Variants in DLGAP2 observed in about 807,000 individuals in gnomAD.
DLGAP2 encodes disks large-associated protein 2.
In DLGAP2, 26 loss-of-function variants were observed where a neutral mutation model predicts 100.3. The ratio of observed to expected loss-of-function variants is 0.26; its 90% CI spans 0.19 to 0.36. The LOEUF (loss-of-function observed/expected upper bound fraction) is 0.36, where lower values mean the gene tolerates loss of function less well. DLGAP2 is among the 10% of genes least tolerant of loss of function. The probability of loss-of-function intolerance (pLI) is 1.00; values close to 1 mark genes in which losing one functional copy is unlikely to be tolerated. For missense variants in DLGAP2, 1,858 were observed against 1,453.2 expected, an observed-to-expected ratio of 1.28 and a Z score of -4.53; for synonymous variants, 886 against 630.1, an observed-to-expected ratio of 1.41 and a Z score of -6.08.
chr8:1,045,910 T>C (rs1368053411), intron 2 of DLGAP2, among the ~76,000 whole-genome samples: 1 of 152,186 alleles, frequency 6.6e-6, no homozygotes, highest in African/African-American at 2.4e-5. Flanking sequence ...CTCCCAGACC[T>C]GCCGTTTGTA....
chr8:1,033,377 CTGGGGGT>C (rs1374116492), intron 2 of DLGAP2, among the ~76,000 whole-genome samples: 1 of 152,152 alleles, frequency 6.6e-6, no homozygotes, highest in Non-Finnish European at 1.5e-5. Flanking sequence ...AAAGGCTTAG[CTGGGGGT>C]TGGGGGTGGT....
intron 2 of DLGAP2, among the ~76,000 whole-genome samples, chr8:946,735 G>C (rs1293775636): frequency 6.6e-6 from 1 of 152,198 alleles, no homozygotes; most frequent in Non-Finnish European, 1.5e-5. Context: ...TCAGGACTGA[G>C]TGCCATAGTG....
chr8:1,371,792 C>T (rs1451200756), intron 3 of DLGAP2, among the ~76,000 whole-genome samples: 2 of 152,152 alleles, frequency 1.3e-5, no homozygotes, highest in African/African-American at 4.8e-5. Context: ...TCATATTCCA[C>T]GTGCATCGTG....
chr8:814,318 G>C (rs1420940638), intron 1 of DLGAP2, among the ~76,000 whole-genome samples: 1 of 152,154 alleles, frequency 6.6e-6, no homozygotes, highest in African/African-American at 2.4e-5. Flanking sequence ...TGCAACACTA[G>C]TTTAGCTCTT....
intron 2 of DLGAP2, among the ~76,000 whole-genome samples, chr8:1,012,699 A>G (rs1584974242): frequency 1.7e-5 from 1 of 58,938 alleles, no homozygotes; most frequent in African/African-American, 6.9e-5. Context: ...AGTCCCCCCT[A>G]CTTCAGCGGC....
At chr8:1,252,464 G>A (rs376130233) in intron 2 of DLGAP2, among the ~76,000 whole-genome samples, 34 of 152,360 alleles carry the variant, frequency 2.2e-4, no homozygotes, top group African/African-American at 5.8e-4. Context: ...TGTCACGTGC[G>A]TGTGTTGCGT....
Position 1,175,643 on chromosome 8 carries a change from C to T in DLGAP2, c.74-83208C>T, listed in dbSNP as rs76246830. Reference sequence around the variant, plus strand: ...AATTTGGAGGGTGTTGGAATAAATACATCCCTTGTGTTTTGCCATGGCTTG... The same window carrying T: ...AATTTGGAGGGTGTTGGAATAAATATATCCCTTGTGTTTTGCCATGGCTTG... On this transcript the variant is annotated intron_variant, in intron 2 of 14. Transcript: ENST00000637795. Among the ~76,000 whole-genome samples, 709 of 152,266 alleles carry T rather than the reference C, an allele frequency of 4.7e-3. 2 individuals are homozygous for T. Among genetic ancestry groups the T allele is most frequent in the Non-Finnish European group, 7.8e-3 (529 of 68,020 alleles).
chr8:1,226,946 A>G (rs1004853597), intron 2 of DLGAP2, among the ~76,000 whole-genome samples: 5 of 151,742 alleles, frequency 3.3e-5, no homozygotes, highest in Non-Finnish European at 7.4e-5. Flanking sequence ...GGAAAACAGT[A>G]TCGACGTTCC....
At chr8:1,142,420 G>C (rs181650008) in intron 2 of DLGAP2, among the ~76,000 whole-genome samples, 1 of 152,334 alleles carries the variant, frequency 6.6e-6, no homozygotes, top group African/African-American at 2.4e-5. Flanking sequence ...AAAGAAGCTA[G>C]ATGCAGTGTT....
intron 2 of DLGAP2, among the ~76,000 whole-genome samples, chr8:1,128,471 C>T (rs768991911): frequency 6.6e-6 from 1 of 152,234 alleles, no homozygotes; most frequent in South Asian, 2.1e-4. Flanking sequence ...TGTACAGACC[C>T]TCGCCACTGT....
intron 3 of DLGAP2, among the ~76,000 whole-genome samples, chr8:1,377,684 G>T (rs926717424): frequency 6.6e-6 from 1 of 152,210 alleles, no homozygotes; most frequent in African/African-American, 2.4e-5. Context: ...GCCAGCGTGG[G>T]GGTCAGTGGA....
intron 1 of DLGAP2, among the ~76,000 whole-genome samples, chr8:885,398 G>A (rs1797903492): frequency 2.0e-5 from 3 of 152,108 alleles, no homozygotes; most frequent in African/African-American, 7.2e-5. Context: ...ATTGTGAATG[G>A]GAGTTCACTC....
intron 1 of DLGAP2, among the ~76,000 whole-genome samples, chr8:852,228 C>G (rs1211261014): frequency 6.6e-6 from 1 of 152,154 alleles, no homozygotes; most frequent in African/African-American, 2.4e-5. Flanking sequence ...CTTTCTCTGT[C>G]TTGGTGGATG....
chr8:1,338,046 T>C (rs1004562569), intron 3 of DLGAP2, among the ~76,000 whole-genome samples: 5 of 152,236 alleles, frequency 3.3e-5, no homozygotes, highest in Admixed American at 6.5e-5. Context: ...CAAGTATTGC[T>C]GAGGACTGGA....
intron 2 of DLGAP2, among the ~76,000 whole-genome samples, chr8:956,795 T>C (rs1416337341): frequency 6.6e-6 from 1 of 152,220 alleles, no homozygotes; most frequent in Admixed American, 6.5e-5. Context: ...CTTTTCCAGG[T>C]ACTTTAGTGC....
rs187846231 is a variant in DLGAP2 at position 1,454,792 on chromosome 8, G to A, written c.107-46574G>A. 8.5e-5 allele frequency among the ~76,000 whole-genome samples: 13 copies of A among 152,250 alleles called. No individual in the cohort carries two copies. The East Asian group carries it at 1.9e-3, about 23-fold the overall frequency. ...AGGTAGAAAAGGAATAAAGTCAGTG[G>A]CCCAGAGACCCCCACTGAGCACTCA... On this transcript the variant is annotated intron_variant, in intron 3 of 14. Coordinates refer to ENST00000637795, the MANE Select transcript of DLGAP2 (RefSeq NM_001346810.2).
At chr8:834,186 C>T (rs914164140) in intron 1 of DLGAP2, among the ~76,000 whole-genome samples, 10 of 152,198 alleles carry the variant, frequency 6.6e-5, no homozygotes, top group African/African-American at 1.9e-4. Context: ...ATGGAAGAAG[C>T]GGAGGAGTAG....
intron 8 of DLGAP2, among the ~76,000 whole-genome samples, chr8:1,659,199 G>A (rs1798354421): frequency 6.6e-6 from 1 of 152,076 alleles, no homozygotes; most frequent in Non-Finnish European, 1.5e-5. Context: ...CACTGTGGTC[G>A]GAGAGACTGT....
chr8:767,758 T>C (rs1821253318), intron 1 of DLGAP2, among the ~76,000 whole-genome samples: 1 of 152,204 alleles, frequency 6.6e-6, no homozygotes, highest in Admixed American at 6.5e-5. Flanking sequence ...CACAGGCTGC[T>C]ATCTGCAGCT....
Sources: gnomAD v4.1 joint callset for allele counts (sites outside exome capture counted in the v4.1 genomes callset) on GRCh38, gnomAD v4.1.1 for gene constraint, MANE v1.5 for transcripts, NCBI Gene and HGNC (gene_info 2026-07-23, HGNC 2026-07-21) for gene names.